TMEM266: variants seen among roughly 807,000 people sequenced by gnomAD.
TMEM266 encodes the protein Hv1 related protein 1.
In TMEM266, 33 loss-of-function variants were observed where a neutral mutation model predicts 50.5. The observed-to-expected ratio is 0.65, with a 90% CI of 0.50 to 0.87. TMEM266 has a LOEUF of 0.87. TMEM266 is among the 40% of genes least tolerant of loss of function. The probability of loss-of-function intolerance (pLI) is 0.00; values close to 1 mark genes in which losing one functional copy is unlikely to be tolerated. For synonymous variants in TMEM266, 310 were observed against 292.3 expected (o/e 1.06, Z -0.62); for missense variants, 655 against 695.1 (o/e 0.94, Z 0.65).
chr15:76,120,758 CAAAAAAAAAAAA>C (rs60694791), intron 1 of TMEM266, among the ~76,000 whole-genome samples: 1 of 57,952 alleles, frequency 1.7e-5, no homozygotes, highest in Non-Finnish European at 3.4e-5. Context: ...AAGACTGTCT[CAAAAAAAAAAAA>C]AAAAAAAAAA....
chr15:76,074,526 A>G (rs972008745), intron 1 of TMEM266, among the ~76,000 whole-genome samples: 1 of 152,098 alleles, frequency 6.6e-6, no homozygotes, highest in Admixed American at 6.5e-5. Flanking sequence ...GTTTTAATGT[A>G]TTATATGTCG....
intron 1 of TMEM266, among the ~76,000 whole-genome samples, chr15:76,086,932 G>GA (rs11396209): frequency 0.56 from 81,978 of 146,686 alleles, 23,504 homozygotes; most frequent in Admixed American, 0.69. Context: ...GCAGGTCGGG[G>GA]GGGGGGCGGT....
At chr15:76,120,355 T>G (rs530365133) in intron 1 of TMEM266, among the ~76,000 whole-genome samples, 11 of 152,312 alleles carry the variant, frequency 7.2e-5, no homozygotes, top group Admixed American at 2.0e-4. Flanking sequence ...GAGGGGGATT[T>G]CTACAAGATA....
intron 3 of TMEM266, among the ~76,000 whole-genome samples, chr15:76,152,359 G>A (rs2037857586): frequency 1.3e-5 from 2 of 152,222 alleles, no homozygotes; most frequent in African/African-American, 4.8e-5. Context: ...GCTGGCGTGA[G>A]AATGAAAGGA....
rs1305442474 is a variant in TMEM266, at chr15:76,204,595, C to CT, written c.*282dup. On this transcript the variant is annotated 3_prime_UTR_variant, in exon 11 of 11. Coordinates refer to ENST00000388942, the MANE Select transcript of TMEM266 (RefSeq NM_152335.3). ...TTACAAAAACCAGCCTGTGGCCCAG[C>CT]TTCAGCAGGGTAGAGTGTGGGGGGG... 3.5e-6 allele frequency: 1 copy of CT among 285,644 alleles called. No homozygotes were observed. The highest frequency in any genetic ancestry group is 6.6e-6 in the Non-Finnish European group (1 of 151,966). The allele number at this position is 285,644 out of a possible 1,614,324, so 17.7% of individuals were successfully genotyped here.
intron 1 of TMEM266, among the ~76,000 whole-genome samples, chr15:76,117,821 T>G (rs1345119876): frequency 6.6e-6 from 1 of 152,194 alleles, no homozygotes; most frequent in Non-Finnish European, 1.5e-5. Context: ...AACTTGATTG[T>G]GGTCCTTGAA....
Position 76,204,122 on chromosome 15 carries a change from CA to C in TMEM266, c.1404del (p.Ala469ArgfsTer14). 1 of 1,613,112 alleles carries C rather than the reference CA, an allele frequency of 6.2e-7. No individual in the cohort carries two copies. Among genetic ancestry groups the C allele is most frequent in the Non-Finnish European group, 8.5e-7 (1 of 1,179,700 alleles). On this transcript the variant is annotated frameshift_variant, in exon 11 of 11. Transcript: ENST00000388942. LOFTEE classifies it high-confidence loss of function. ...PSPAGSAQTS[P>X]ELEHRVSLFN... The stretch of plus-strand genomic sequence containing the variant: ...CCAGCCCCCCTCGCCCGGCCCAGCC[CA>C]GCGGGCTCGGCCCAAACCAGCCCCG...
chr15:76,100,594 G>C (rs2036987323), intron 1 of TMEM266, among the ~76,000 whole-genome samples: 1 of 152,198 alleles, frequency 6.6e-6, no homozygotes, highest in South Asian at 2.1e-4. Flanking sequence ...GGTCAATGTT[G>C]AATGAGCTGG....
intron 1 of TMEM266, among the ~76,000 whole-genome samples, chr15:76,087,472 G>A (rs2036792825): frequency 6.6e-6 from 1 of 152,158 alleles, no homozygotes; most frequent in Non-Finnish European, 1.5e-5. Context: ...GGTGGCAGTA[G>A]ATGAGTTTCA....
chr15:76,075,469 C>G (rs932909497), intron 1 of TMEM266, among the ~76,000 whole-genome samples: 2 of 152,130 alleles, frequency 1.3e-5, no homozygotes, highest in African/African-American at 2.4e-5. Context: ...GCATGTTTTA[C>G]TTGCCAATAT....
At chr15:76,188,611 C>T (rs1240438920) in intron 8 of TMEM266, among the ~76,000 whole-genome samples, 2 of 152,042 alleles carry the variant, frequency 1.3e-5, no homozygotes, top group African/African-American at 4.8e-5. Context: ...GAAAAACAAA[C>T]GAACAAACAA....
Position 76,192,108 on chromosome 15 carries a change from CGAGGAGACGGCGGCCGAGAGCGTCGTG to C in TMEM266, c.916_942del (p.Thr306_Glu314del). ...AAGTGTTGGAGGCCGGCACGTGGGA[CGAGGAGACGGCGGCCGAGAGCGTCGTG>C]GAGGAGCTGCAGCCCTCGCAAGGTA... On this transcript the variant is annotated inframe_deletion, in exon 9 of 11. Coordinates refer to ENST00000388942, the MANE Select transcript of TMEM266 (RefSeq NM_152335.3). The C allele has an allele frequency of 7.0e-7, 1 of 1,423,232 alleles. No homozygotes were observed. The highest frequency in any genetic ancestry group is 1.5e-5 in the African/African-American group (1 of 66,250). 88.2% of individuals were successfully genotyped at this position (1,423,232 alleles called of 1,614,324 possible).
intron 1 of TMEM266, among the ~76,000 whole-genome samples, chr15:76,110,035 T>A (rs528912394): frequency 6.6e-6 from 1 of 152,072 alleles, no homozygotes; most frequent in Non-Finnish European, 1.5e-5. Flanking sequence ...AGTCTCACCC[T>A]GTCGCCCAGG....
intron 1 of TMEM266, among the ~76,000 whole-genome samples, chr15:76,091,482 C>G (rs12907563): frequency 6.6e-6 from 1 of 151,370 alleles, no homozygotes; most frequent in Non-Finnish European, 1.5e-5. Flanking sequence ...CCCAGGAGTT[C>G]GAGGCTGCAG....
chr15:76,189,029 A>G (rs2038528495), intron 8 of TMEM266, among the ~76,000 whole-genome samples: 1 of 152,110 alleles, frequency 6.6e-6, no homozygotes, highest in Admixed American at 6.5e-5. Context: ...TCTTGTCCCT[A>G]CAAAATATAA....
chr15:76,180,171 A>C (rs1050890244), intron 8 of TMEM266, among the ~76,000 whole-genome samples: 11 of 152,330 alleles, frequency 7.2e-5, no homozygotes, highest in African/African-American at 2.6e-4. Context: ...CATCATTAAC[A>C]TCATACACTA....
At chr15:76,115,759 C>T (rs138641373) in intron 1 of TMEM266, among the ~76,000 whole-genome samples, 51 of 152,282 alleles carry the variant, frequency 3.3e-4, no homozygotes, top group African/African-American at 1.1e-3. Flanking sequence ...GTATTTGTGG[C>T]CATCCTGCAT....
In TMEM266 at chr15:76,161,994, C is replaced by T. The variant is rs2959860; in HGVS notation, c.456+1826C>T. Among the ~76,000 whole-genome samples the T allele has an allele frequency of 0.28, 42,357 of 152,172 alleles. 6,267 individuals are homozygous for T. Among genetic ancestry groups the T allele is most frequent in the African/African-American group, 0.33 (13,892 of 41,478 alleles). ...GGCTTTTGCAGAATTTATTGCCCAG[C>T]GTTAATTTGGCATTCCCTTCCTGTC... is the stretch of plus-strand genomic sequence containing the variant. On this transcript the variant is annotated intron_variant, in intron 5 of 10. Coordinates refer to ENST00000388942, the MANE Select transcript of TMEM266 (RefSeq NM_152335.3). The surrounding 1 kb of genome is among the most constrained non-coding windows in gnomAD (Gnocchi z 4.1).
chr15:76,140,378 C>G (rs1180364558), intron 3 of TMEM266, among the ~76,000 whole-genome samples: 2 of 152,190 alleles, frequency 1.3e-5, no homozygotes, highest in Admixed American at 1.3e-4. Flanking sequence ...TGGGGTTTTC[C>G]CAAAATGTCC....
Sources: gnomAD v4.1 joint callset for allele counts (sites outside exome capture counted in the v4.1 genomes callset) on GRCh38, gnomAD v4.1.1 for gene constraint, Gnocchi (gnomAD v3.1) non-coding constraint, MANE v1.5 for transcripts, NCBI Gene and HGNC (gene_info 2026-07-23, HGNC 2026-07-21) for gene names.